Variants in HEATR5A observed in about 807,000 individuals in gnomAD.
HEATR5A encodes the protein HEAT repeat containing 5A.
Under a neutral mutation model 218.8 loss-of-function variants are expected in HEATR5A, and 178 were observed. The ratio of observed to expected loss-of-function variants is 0.81; its 90% confidence interval spans 0.72 to 0.92. The LOEUF (loss-of-function observed/expected upper bound fraction) is 0.92, where lower values mean the gene tolerates loss of function less well. Among genes scored for constraint, HEATR5A ranks in the 40% least tolerant of loss-of-function variants. The probability of loss-of-function intolerance (pLI) is 0.00; values close to 1 mark genes in which losing one functional copy is unlikely to be tolerated. For synonymous variants in HEATR5A, 864 were observed against 871.6 expected (o/e 0.99, Z 0.15); for missense variants, 2,420 against 2,418.9 (o/e 1.00, Z -0.01).
chr14:31,337,311 T>C (rs1401694344), intron 22 of HEATR5A, among the ~76,000 whole-genome samples, 165 bp downstream of exon 22: 1 of 152,208 alleles, frequency 6.6e-6, no homozygotes, highest in Non-Finnish European at 1.5e-5. Flanking sequence ...GAACCACCAC[T>C]CTAAATCAGT....
intron 9 of HEATR5A, among the ~76,000 whole-genome samples, chr14:31,385,127 A>G (rs76757957): frequency 0.013 from 1,961 of 152,274 alleles, 51 homozygotes; most frequent in African/African-American, 0.045. Context: ...GATAAAAGCC[A>G]TAATGATATA....
intron 1 of HEATR5A, among the ~76,000 whole-genome samples, chr14:31,417,749 CAAAAA>C (rs779679473): frequency 9.9e-6 from 1 of 100,544 alleles, no homozygotes. Flanking sequence ...GACTCCATCT[CAAAAA>C]AAAAAAAAAA....
chr14:31,301,937 T>C (rs1899396533), intron 33 of HEATR5A, among the ~76,000 whole-genome samples: 1 of 147,736 alleles, frequency 6.8e-6, no homozygotes, highest in African/African-American at 2.5e-5. Flanking sequence ...CCTGTCTCAG[T>C]GGAGTAGCTG....
intron 21 of HEATR5A, among the ~76,000 whole-genome samples, chr14:31,338,705 C>T (rs972008994): frequency 4.6e-5 from 7 of 151,976 alleles, no homozygotes; most frequent in Non-Finnish European, 1.0e-4. Context: ...AATTTTATGG[C>T]AATCTTTAGA....
At chr14:31,394,832 T>C (rs1056186167) in intron 5 of HEATR5A, among the ~76,000 whole-genome samples, 1 of 151,922 alleles carries the variant, frequency 6.6e-6, no homozygotes, top group Non-Finnish European at 1.5e-5. Flanking sequence ...ACAAAAAAAC[T>C]TTACTGTATT....
intron 13 of HEATR5A, among the ~76,000 whole-genome samples, chr14:31,364,591 T>G (rs2139241180): frequency 6.6e-6 from 1 of 152,196 alleles, no homozygotes; most frequent in South Asian, 2.1e-4. Flanking sequence ...TGGCTAATTT[T>G]ATTTTGTATT....
rs1376283288 is a variant in HEATR5A at position 31,340,502 on chromosome 14, G to A, written c.3229-2888C>T. The A allele has an allele frequency of 3.9e-6, 5 of 1,282,248 alleles. No individual in the cohort carries two copies. The South Asian group carries it at 5.0e-5, about 13-fold the overall frequency. 79.4% of individuals were successfully genotyped at this position (1,282,248 alleles called of 1,614,324 possible). A position where few individuals can be genotyped will look rare whatever the true frequency, so the allele number is the denominator to read the frequency against. ...CTGCACAAAAACAAATGACACACCA[G>A]TCATGACAAAACCAAAAGATAAATA... On this transcript the variant is annotated intron_variant, in intron 21 of 35. Coordinates refer to ENST00000543095, the MANE Select transcript of HEATR5A (RefSeq NM_015473.4).
intron 1 of HEATR5A, among the ~76,000 whole-genome samples, chr14:31,411,648 G>A (rs974272492): frequency 6.6e-6 from 1 of 152,142 alleles, no homozygotes; most frequent in African/African-American, 2.4e-5. Flanking sequence ...TGTGCACTAT[G>A]TACTGCCAAG....
At chr14:31,320,251 G>A in intron 25 of HEATR5A, 1 of 694,490 alleles carries the variant, frequency 1.4e-6, no homozygotes, top group Non-Finnish European at 2.7e-6. Flanking sequence ...TGAAGAAGGA[G>A]ATCATCAAAC....
Position 31,347,761 on chromosome 14 carries a change from G to T in HEATR5A, c.2855C>A (p.Ser952Tyr). 1 of 1,596,130 alleles carries T rather than the reference G, an allele frequency of 6.3e-7. No homozygotes were observed. The change falls in exon 19 of 36, where the codon TCT becomes TAT. Residue 952 changes from serine to tyrosine, a missense_variant. Ser to Tyr is a moderately radical substitution (Grantham distance 144). Coordinates refer to ENST00000543095, the MANE Select transcript of HEATR5A (RefSeq NM_015473.4). ...TGAGGTACCCACCTGCACATCAGGA[G>T]AAGTGCTGTCCTGCGCCAAAGTATA... is the stretch of plus-strand genomic sequence containing the variant. ...ILYTLAQDSTSPDVQTWALHS... is the reference protein window; with the variant it reads ...ILYTLAQDSTYPDVQTWALHS...
At chr14:31,350,923 G>T (rs576183818) in intron 16 of HEATR5A, among the ~76,000 whole-genome samples, 5 of 152,110 alleles carry the variant, frequency 3.3e-5, no homozygotes, top group Non-Finnish European at 5.9e-5. Context: ...GATTACAGGT[G>T]TGCACCACCA....
At position 31,414,610 on chromosome 14, in the gene HEATR5A, T is replaced by C. The variant is rs546593570; in HGVS notation, c.-75+5862A>G. 5.9e-5 allele frequency among the ~76,000 whole-genome samples: 9 copies of C among 152,330 alleles called. No individual in the cohort carries two copies. In the East Asian group the frequency reaches 1.5e-3, roughly 26 times the overall value. On this transcript the variant is annotated intron_variant, in intron 1 of 35. Coordinates refer to ENST00000543095, the MANE Select transcript of HEATR5A (RefSeq NM_015473.4). ...GTTTACAGGAGAGGCCAGAAATTCT[T>C]GCCCCCTTTTAAAAATGAGTCAATC...
In HEATR5A at chr14:31,305,014, GCTAC is replaced by G; in HGVS notation, c.5126_5129del (p.Gly1709AlafsTer4). 6.2e-7 allele frequency: 1 copy of G among 1,613,864 alleles called. No homozygotes were observed. On this transcript the variant is annotated frameshift_variant, in exon 32 of 36. Transcript: ENST00000543095. LOFTEE classifies it high-confidence loss of function. ...GTGGCTTCGTAGCTTTTACTCCTGG[GCTAC>G]CTGTCAATTTAGGGTTTAATTCTGG...
chr14:31,366,051 T>A (rs1901790920), intron 13 of HEATR5A, among the ~76,000 whole-genome samples: 1 of 152,204 alleles, frequency 6.6e-6, no homozygotes, highest in Non-Finnish European at 1.5e-5. Flanking sequence ...CTGAATATTT[T>A]AAAATGTTGT....
chr14:31,349,022 G>A (rs1409995424), intron 18 of HEATR5A, among the ~76,000 whole-genome samples: 4 of 151,964 alleles, frequency 2.6e-5, no homozygotes, highest in Admixed American at 6.6e-5. Flanking sequence ...AGTAGGTAGC[G>A]CAGTACCTCC....
chr14:31,341,432 T>C (rs1900836040), intron 21 of HEATR5A, among the ~76,000 whole-genome samples: 1 of 152,134 alleles, frequency 6.6e-6, no homozygotes, highest in Non-Finnish European at 1.5e-5. Context: ...CTTGCTCCAT[T>C]GCCCAGGGTG....
At chr14:31,351,143 G>A (rs1422340937) in intron 16 of HEATR5A, among the ~76,000 whole-genome samples, 3 of 152,160 alleles carry the variant, frequency 2.0e-5, no homozygotes, top group Admixed American at 2.0e-4. Context: ...TTGTAAGCAT[G>A]AGAATGCACA....
chr14:31,305,942 T>C (rs1899542428), intron 31 of HEATR5A, among the ~76,000 whole-genome samples: 1 of 152,198 alleles, frequency 6.6e-6, no homozygotes, highest in Non-Finnish European at 1.5e-5. Context: ...TTTTCTATAA[T>C]ATGTAGCCAA....
chr14:31,321,461 G>A, intron 25 of HEATR5A, 38 bp downstream of exon 25: 1 of 1,480,074 alleles, frequency 6.8e-7, no homozygotes, highest in Non-Finnish European at 9.1e-7. Flanking sequence ...TTTTATCTGT[G>A]TGTTTAATAA....
Sources: allele counts gnomAD v4.1 joint callset (sites outside exome capture counted in the v4.1 genomes callset), GRCh38; gene constraint gnomAD v4.1.1; transcripts MANE v1.5; gene names NCBI Gene and HGNC (gene_info 2026-07-23, HGNC 2026-07-21).